ERG: variants seen among roughly 807,000 people sequenced by gnomAD.
ERG encodes the protein ETS transcription factor ERG.
Under a neutral mutation model 55.3 loss-of-function variants are expected in ERG, and 9 were observed. The ratio of observed to expected loss-of-function variants is 0.16; its 90% CI spans 0.10 to 0.28. ERG has a LOEUF of 0.28. Ranked by LOEUF, ERG falls within the 10% of genes least tolerant of loss-of-function variation. The pLI, the probability that ERG is intolerant of heterozygous loss-of-function variation, is 1.00. For synonymous variants in ERG, 223 were observed against 237.3 expected, an observed-to-expected ratio of 0.94 and a Z score of 0.55; for missense variants, 434 against 631.6, an observed-to-expected ratio of 0.69 and a Z score of 3.35.
intron 2 of ERG, among the ~76,000 whole-genome samples, chr21:38,430,177 G>A (rs1990139913): frequency 6.6e-6 from 1 of 152,086 alleles, no homozygotes; most frequent in South Asian, 2.1e-4. Context: ...AAGTGATGTT[G>A]AGTGTTTTTT....
rs539037493 is a variant in ERG, at chr21:38,554,508, C to A, written c.-41+21154G>T. 7.2e-5 allele frequency among the ~76,000 whole-genome samples: 11 copies of A among 152,252 alleles called. 1 individual carries two copies. The highest frequency in any genetic ancestry group is 2.6e-4 in the African/African-American group (11 of 41,534). On this transcript the variant is annotated intron_variant, in intron 2 of 8. Transcript: ENST00000398897. ...ACACAGCCATAAAATAGAATGAAAT[C>A]ATGTCCTTTGCAGTAACATGAATGG... is the stretch of plus-strand genomic sequence containing the variant.
intron 1 of ERG, among the ~76,000 whole-genome samples, chr21:38,491,904 T>C (rs2059339380): frequency 6.6e-6 from 1 of 152,204 alleles, no homozygotes; most frequent in African/African-American, 2.4e-5. Context: ...GTGCTAGAGT[T>C]TTACCTCTTG....
At chr21:38,473,074 T>C (rs2059154522) in intron 1 of ERG, among the ~76,000 whole-genome samples, 1 of 149,968 alleles carries the variant, frequency 6.7e-6, no homozygotes, top group African/African-American at 2.5e-5. Flanking sequence ...TTCTGAGACG[T>C]AGTTCTGAGG....
intron 1 of ERG, among the ~76,000 whole-genome samples, chr21:38,615,549 G>A (rs923835280): frequency 6.6e-6 from 1 of 151,430 alleles, no homozygotes; most frequent in East Asian, 1.9e-4. Flanking sequence ...GCTCTGACAT[G>A]TACTAGTTTT....
chr21:38,499,511 T>C (rs2836444), upstream of ERG, among the ~76,000 whole-genome samples: 23,793 of 152,102 alleles, frequency 0.16, 2,293 homozygotes, highest in Non-Finnish European at 0.22. Flanking sequence ...GTGGTCTCAA[T>C]AGGCGACCCC....
At chr21:38,651,965 T>C (rs1384689236) in intron 1 of ERG, among the ~76,000 whole-genome samples, 1 of 152,214 alleles carries the variant, frequency 6.6e-6, no homozygotes, top group Non-Finnish European at 1.5e-5. Flanking sequence ...AAGACAGTCC[T>C]GGCAAAGTGT....
At chr21:38,404,590 C>T (rs2836374) in intron 3 of ERG, among the ~76,000 whole-genome samples, 5,444 of 152,284 alleles carry the variant, frequency 0.036, 146 homozygotes, top group Middle Eastern at 0.058. Context: ...CCTTGGGCCC[C>T]GAGCCCTGAG....
At chr21:38,379,810 G>A (rs1987343099), downstream of ERG, among the ~76,000 whole-genome samples, 1 of 152,132 alleles carries the variant, frequency 6.6e-6, no homozygotes, top group African/African-American at 2.4e-5. Context: ...ACAGCTCACT[G>A]CAGCCTTGAA....
intron 3 of ERG, among the ~76,000 whole-genome samples, chr21:38,411,084 A>C (rs1006833118): frequency 3.3e-5 from 5 of 152,210 alleles, no homozygotes; most frequent in African/African-American, 1.2e-4. Flanking sequence ...CCTCAGGAGG[A>C]CAGAAGTTAC....
Position 38,382,614 on chromosome 21 carries a change from A to G in ERG, c.*789T>C. The G allele has an allele frequency of 9.4e-7, 1 of 1,066,278 alleles. No individual in the cohort carries two copies. Among genetic ancestry groups the G allele is most frequent in the Non-Finnish European group, 1.1e-6 (1 of 879,646 alleles). The allele number at this position is 1,066,278 out of a possible 1,614,324, so 66.1% of individuals were successfully genotyped here. On this transcript the variant is annotated 3_prime_UTR_variant, in exon 10 of 10. Coordinates refer to ENST00000288319, the MANE Select transcript of ERG (RefSeq NM_182918.4). ...CATAACTCATTGTACACAGTCCCCA[A>G]ATGTCCTGAGTCCAGTCTTCATTGC...
rs575472668 is a variant in ERG at position 38,460,080 on chromosome 21, G to A, written c.19-14459C>T. On this transcript the variant is annotated intron_variant, in intron 1 of 9. Coordinates refer to ENST00000288319, the MANE Select transcript of ERG (RefSeq NM_182918.4). The surrounding 1 kb of genome is among the most constrained non-coding windows in gnomAD (Gnocchi z 5.0). Reference sequence around the variant, plus strand: ...GTGGTCCTGAGAAAACGCGAAGGAGGGGAGGGTGTGAGCCCCCATGCATTC... The same window carrying A: ...GTGGTCCTGAGAAAACGCGAAGGAGAGGAGGGTGTGAGCCCCCATGCATTC... Among the ~76,000 whole-genome samples the A allele has an allele frequency of 2.0e-5, 3 of 152,296 alleles. No individual in the cohort carries two copies. The highest frequency in any genetic ancestry group is 6.5e-5 in the Admixed American group (1 of 15,298).
At chr21:38,585,478 C>G (rs9636940), upstream of ERG, among the ~76,000 whole-genome samples, 2 of 140,868 alleles carry the variant, frequency 1.4e-5, no homozygotes, top group Non-Finnish European at 3.0e-5. Flanking sequence ...AGAAAAAAAT[C>G]TTTCTTACAA....
At chr21:38,564,271 A>ATTTACACAG (rs2059909483) in intron 2 of ERG, among the ~76,000 whole-genome samples, 1 of 152,140 alleles carries the variant, frequency 6.6e-6, no homozygotes, top group Admixed American at 6.5e-5. Flanking sequence ...GAATACTGGT[A>ATTTACACAG]AATACACAGA....
At chr21:38,560,564 C>A (rs967275145) in intron 2 of ERG, among the ~76,000 whole-genome samples, 1 of 152,122 alleles carries the variant, frequency 6.6e-6, no homozygotes, top group Admixed American at 6.5e-5. Context: ...CTCATTTTAT[C>A]CTTCACAGGC....
intron 1 of ERG, among the ~76,000 whole-genome samples, chr21:38,658,453 A>G (rs2060532490): frequency 6.6e-6 from 1 of 152,202 alleles, no homozygotes; most frequent in African/African-American, 2.4e-5. Flanking sequence ...CTGACTTGCT[A>G]TCGGTTTTTG....
At chr21:38,600,694 G>A (rs1301754163) in intron 1 of ERG, among the ~76,000 whole-genome samples, 1 of 152,178 alleles carries the variant, frequency 6.6e-6, no homozygotes, top group Non-Finnish European at 1.5e-5. Context: ...TAATAAGCAT[G>A]GAATCACAGA....
chr21:38,555,780 C>T (rs2059854921), intron 2 of ERG, among the ~76,000 whole-genome samples: 1 of 152,120 alleles, frequency 6.6e-6, no homozygotes, highest in African/African-American at 2.4e-5. Context: ...GCTATTTGTA[C>T]TGTCAAATTA....
At chr21:38,490,820 C>T (rs2059329112) in intron 1 of ERG, among the ~76,000 whole-genome samples, 1 of 152,250 alleles carries the variant, frequency 6.6e-6, no homozygotes, top group South Asian at 2.1e-4. Flanking sequence ...CCCTTGCCAG[C>T]AGCTATATCT....
At chr21:38,379,201 C>A (rs1987322084), downstream of ERG, among the ~76,000 whole-genome samples, 1 of 152,226 alleles carries the variant, frequency 6.6e-6, no homozygotes, top group African/African-American at 2.4e-5. Context: ...GTCATCTCAG[C>A]CCCATGGCAT....
Sources: allele counts gnomAD v4.1 joint callset (sites outside exome capture counted in the v4.1 genomes callset), GRCh38; gene constraint gnomAD v4.1.1; non-coding constraint Gnocchi (gnomAD v3.1); transcripts MANE v1.5; gene names NCBI Gene and HGNC (gene_info 2026-07-23, HGNC 2026-07-21).